Variants in STPG2 observed in about 807,000 individuals in gnomAD.
STPG2 encodes the protein sperm tail PG-rich repeat containing 2, also known as sperm-tail PG-rich repeat-containing protein 2.
Under a neutral mutation model 54.2 loss-of-function variants are expected in STPG2, and 56 were observed. The observed-to-expected ratio is 1.03, with a 90% CI of 0.83 to 1.29. STPG2 has a LOEUF of 1.29. STPG2 is among the 50% of genes most tolerant of loss of function. STPG2 has a pLI of 0.00. For synonymous variants in STPG2, 200 were observed against 181.8 expected, an observed-to-expected ratio of 1.10 and a Z score of -0.81; for missense variants, 596 against 544.9, an observed-to-expected ratio of 1.09 and a Z score of -0.93.
At chr4:97,778,822 G>T (rs187333989) in intron 9 of STPG2, among the ~76,000 whole-genome samples, 1 of 152,252 alleles carries the variant, frequency 6.6e-6, no homozygotes, top group Admixed American at 6.5e-5. Context: ...GGCAAATAGA[G>T]CCTGGAGTGG....
At chr4:97,965,757 G>T (rs1472345399) in intron 7 of STPG2, among the ~76,000 whole-genome samples, 1 of 152,166 alleles carries the variant, frequency 6.6e-6, no homozygotes, top group East Asian at 1.9e-4. Flanking sequence ...AACTCCAACA[G>T]ACCTGCAGCT....
chr4:97,793,314 G>A (rs1727060611), intron 9 of STPG2, among the ~76,000 whole-genome samples: 1 of 150,538 alleles, frequency 6.6e-6, no homozygotes, highest in African/African-American at 2.4e-5. Context: ...CTATCTCTCA[G>A]AATTTTAGCA....
At chr4:97,687,108 A>AT (rs1056011278) in intron 10 of STPG2, among the ~76,000 whole-genome samples, 117 of 148,168 alleles carry the variant, frequency 7.9e-4, no homozygotes, top group South Asian at 2.1e-4. Flanking sequence ...GCCTGGCTAA[A>AT]TTTTTTTTTT....
intron 2 of STPG2, among the ~76,000 whole-genome samples, chr4:98,131,469 T>C (rs1478014681): frequency 6.6e-6 from 1 of 152,170 alleles, no homozygotes; most frequent in Admixed American, 6.5e-5. Flanking sequence ...ACGAAATATC[T>C]GCAATTTAAA....
intron 4 of STPG2, among the ~76,000 whole-genome samples, chr4:97,533,099 T>C (rs975726248): frequency 6.6e-6 from 1 of 152,130 alleles, no homozygotes; most frequent in Non-Finnish European, 1.5e-5. Context: ...GCCAGGATGG[T>C]TTCGATCTTC....
At chr4:97,901,431 A>C (rs1731172033) in intron 8 of STPG2, among the ~76,000 whole-genome samples, 1 of 151,972 alleles carries the variant, frequency 6.6e-6, no homozygotes, top group Non-Finnish European at 1.5e-5. Context: ...TTACATATAG[A>C]AAGCTCTAAA....
chr4:97,676,894 C>A (rs1322929800), intron 10 of STPG2, among the ~76,000 whole-genome samples: 1 of 152,150 alleles, frequency 6.6e-6, no homozygotes, highest in Non-Finnish European at 1.5e-5. Flanking sequence ...CAAAAACCTG[C>A]ATTTTTAAAC....
At chr4:97,869,971 A>C (rs1200453218) in intron 8 of STPG2, among the ~76,000 whole-genome samples, 7 of 151,560 alleles carry the variant, frequency 4.6e-5, no homozygotes, top group Non-Finnish European at 8.9e-5. Flanking sequence ...TGTAAATTAC[A>C]TCTTCCTTCA....
chr4:97,866,424 T>G (rs1275852804), intron 8 of STPG2, among the ~76,000 whole-genome samples: 3 of 152,040 alleles, frequency 2.0e-5, no homozygotes, highest in Non-Finnish European at 4.4e-5. Context: ...AGAAAATCAT[T>G]TATCCTTACA....
chr4:97,681,891 G>A (rs531530976), intron 10 of STPG2, among the ~76,000 whole-genome samples: 33 of 151,674 alleles, frequency 2.2e-4, no homozygotes, highest in South Asian at 1.2e-3. Context: ...TAGCATTTGC[G>A]GTGTTAGTTC....
At chr4:97,669,020 A>T (rs1280286285) in intron 10 of STPG2, among the ~76,000 whole-genome samples, 1 of 152,090 alleles carries the variant, frequency 6.6e-6, no homozygotes, top group Admixed American at 6.6e-5. Flanking sequence ...TACAGAGGAC[A>T]TGAACAATGA....
Position 97,512,932 on chromosome 4 carries a change from C to A in STPG2, c.462+199767G>T, listed in dbSNP as rs1003049018. 2.6e-5 allele frequency among the ~76,000 whole-genome samples: 4 copies of A among 152,046 alleles called. No homozygotes were observed. The South Asian group carries it at 8.3e-4, about 31-fold the overall frequency. On this transcript the variant is annotated intron_variant, in intron 4 of 4. Coordinates refer to the STPG2 transcript ENST00000522676. ...GGATGTCTTCTAGTTCAATTCAATTCTGACACTATCTACCTGGAGAGCATG... is the reference window on the plus strand; with the variant it reads ...GGATGTCTTCTAGTTCAATTCAATTATGACACTATCTACCTGGAGAGCATG...
At chr4:98,111,750 G>C (rs1440388645) in intron 3 of STPG2, among the ~76,000 whole-genome samples, 1 of 152,056 alleles carries the variant, frequency 6.6e-6, no homozygotes, top group African/African-American at 2.4e-5. Context: ...ATAGGCATTT[G>C]AATCAGTGAA....
At chr4:97,919,092 C>T (rs1313575503) in intron 8 of STPG2, among the ~76,000 whole-genome samples, 1 of 152,076 alleles carries the variant, frequency 6.6e-6, no homozygotes, top group South Asian at 2.1e-4. Flanking sequence ...GGATTAAACA[C>T]ACTTCTAAAT....
In STPG2 at chr4:97,804,473, T is replaced by C. The variant is rs146368613; in HGVS notation, c.1204+36300A>G. 5.0e-3 allele frequency among the ~76,000 whole-genome samples: 762 copies of C among 152,114 alleles called. 8 individuals are homozygous for C. The highest frequency in any genetic ancestry group is 0.017 in the African/African-American group (715 of 41,504). ...TTTTTTCTATTTTAAAGTTTAAAAATAGAAAAAAAGCTTACAGAATAAGGA... is the reference window on the plus strand; with the variant it reads ...TTTTTTCTATTTTAAAGTTTAAAAACAGAAAAAAAGCTTACAGAATAAGGA... On this transcript the variant is annotated intron_variant, in intron 9 of 10. Coordinates refer to ENST00000295268, the MANE Select transcript of STPG2 (RefSeq NM_174952.3).
In STPG2 at chr4:98,140,900, A is replaced by G. The variant is rs573238017; in HGVS notation, c.109+2142T>C. Among the ~76,000 whole-genome samples the G allele has an allele frequency of 6.6e-5, 10 of 152,370 alleles. No homozygotes were observed. In the South Asian group the frequency reaches 2.1e-3, roughly 32 times the overall value. On this transcript the variant is annotated intron_variant, in intron 1 of 10. Transcript: ENST00000295268. ...TTAGGAGAAAGCTCACCTTAGAGAC[A>G]TAAATCACCTGTATCTCTTAAGATT...
At chr4:97,887,598 A>T (rs193252645) in intron 8 of STPG2, among the ~76,000 whole-genome samples, 11 of 152,320 alleles carry the variant, frequency 7.2e-5, no homozygotes, top group Admixed American at 5.2e-4. Context: ...AATGACCTAA[A>T]GTTGGAACTT....
chr4:97,587,551 G>T lies in STPG2; in HGVS notation c.1321-28434C>A, dbSNP rs527772304. On this transcript the variant is annotated intron_variant, in intron 10 of 10. Transcript: ENST00000295268. ...CATTAACAGTTGAGGTGGGTCACAGGACTTAGCATACAAGTCCTGTGGCCT... is the reference window on the plus strand; with the variant it reads ...CATTAACAGTTGAGGTGGGTCACAGTACTTAGCATACAAGTCCTGTGGCCT... Among the ~76,000 whole-genome samples the T allele has an allele frequency of 1.9e-4, 29 of 152,004 alleles. 1 individual carries two copies. The South Asian group carries it at 4.6e-3, about 24-fold the overall frequency.
intron 4 of STPG2, among the ~76,000 whole-genome samples, chr4:97,495,986 G>A (rs1280028907): frequency 1.3e-5 from 2 of 151,378 alleles, no homozygotes; most frequent in African/African-American, 2.4e-5. Flanking sequence ...CAAGTTTCAT[G>A]AGTACATTAA....
Sources: allele counts gnomAD v4.1 joint callset (sites outside exome capture counted in the v4.1 genomes callset), GRCh38; gene constraint gnomAD v4.1.1; transcripts MANE v1.5; gene names NCBI Gene and HGNC (gene_info 2026-07-23, HGNC 2026-07-21).